PCNX1: variants seen among roughly 807,000 people sequenced by gnomAD.
PCNX1 encodes the protein pecanex 1, also known as pecanex-like protein 1.
Under a neutral mutation model 242.2 loss-of-function variants are expected in PCNX1, and 78 were observed. That is an observed-to-expected ratio of 0.32 (90% CI 0.27 to 0.39). The LOEUF (loss-of-function observed/expected upper bound fraction) is 0.39, where lower values mean the gene tolerates loss of function less well. PCNX1 is among the 10% of genes least tolerant of loss of function. PCNX1 has a pLI of 1.00. For synonymous variants in PCNX1, 1,024 were observed against 1,032.9 expected, an observed-to-expected ratio of 0.99 and a Z score of 0.17; for missense variants, 2,581 against 2,856.5, an observed-to-expected ratio of 0.90 and a Z score of 2.20.
intron 19 of PCNX1, among the ~76,000 whole-genome samples, chr14:71,043,534 T>G (rs2141073494): frequency 7.1e-6 from 1 of 141,450 alleles, no homozygotes; most frequent in East Asian, 2.5e-4. Context: ...TTCCTGGGGT[T>G]GGTTGGTTGG....
intron 6 of PCNX1, among the ~76,000 whole-genome samples, chr14:70,986,293 A>G (rs1047926241): frequency 2.0e-5 from 3 of 152,224 alleles, no homozygotes; most frequent in Non-Finnish European, 2.9e-5. Context: ...ATTATAAGAG[A>G]CAGCATAGAC....
At chr14:71,098,509 CGTGTGTGTGTGTGTGTGTGTGTGT>C (rs3221474) in intron 30 of PCNX1, among the ~76,000 whole-genome samples, 6 of 128,610 alleles carry the variant, frequency 4.7e-5, no homozygotes, top group African/African-American at 3.0e-5. Flanking sequence ...TAGATGTATT[CGTGTGTGTGTGTGTGTGTGTGTGT>C]GTGTGTGTGT....
chr14:71,031,954 A>G (rs1345227971), intron 16 of PCNX1: 22 of 1,372,276 alleles, frequency 1.6e-5, no homozygotes, highest in Middle Eastern at 1.8e-4. Context: ...GGCAAACTTC[A>G]TGGCTCTTTC....
In PCNX1 at chr14:71,114,764, T is replaced by C. The variant is rs1396728134; in HGVS notation, c.*4829T>C. On this transcript the variant is annotated 3_prime_UTR_variant, in exon 36 of 36. Coordinates refer to ENST00000304743, the MANE Select transcript of PCNX1 (RefSeq NM_014982.3). The stretch of plus-strand genomic sequence containing the variant: ...AGAAGGAACAAAGGTCATCTAACAC[T>C]GTGATGGGGATGAATTCCTGAGTTT... 4 of 152,530 alleles carry C rather than the reference T, an allele frequency of 2.6e-5. No homozygotes were observed. The highest frequency in any genetic ancestry group is 9.7e-5 in the African/African-American group (4 of 41,426). 9.4% of individuals were successfully genotyped at this position (152,530 alleles called of 1,614,324 possible). A position where few individuals can be genotyped will look rare whatever the true frequency, so the allele number is the denominator to read the frequency against.
chr14:71,043,494 T>C (rs1216400402), intron 19 of PCNX1, among the ~76,000 whole-genome samples: 1 of 150,946 alleles, frequency 6.6e-6, no homozygotes, highest in Non-Finnish European at 1.5e-5. Flanking sequence ...TCCTTCCCTC[T>C]CTCCCTCCCT....
chr14:71,079,061 C>T (rs1305449719), intron 28 of PCNX1, among the ~76,000 whole-genome samples: 1 of 152,162 alleles, frequency 6.6e-6, no homozygotes, highest in South Asian at 2.1e-4. Flanking sequence ...CATGTGTTCT[C>T]ATTGTTCAAC....
intron 26 of PCNX1, among the ~76,000 whole-genome samples, chr14:71,065,535 A>T (rs528417856): frequency 1.3e-5 from 2 of 152,206 alleles, no homozygotes; most frequent in East Asian, 3.9e-4. Context: ...TGTCAGATGG[A>T]TAGATTGCAA....
At chr14:70,980,239 G>C (rs2058799021) in intron 6 of PCNX1, among the ~76,000 whole-genome samples, 1 of 151,884 alleles carries the variant, frequency 6.6e-6, no homozygotes, top group Admixed American at 6.5e-5. Context: ...CATGGGGACT[G>C]TGAGGTGTTC....
intron 1 of PCNX1, among the ~76,000 whole-genome samples, chr14:70,922,185 T>C (rs2056405484): frequency 6.6e-6 from 1 of 152,184 alleles, no homozygotes; most frequent in Admixed American, 6.5e-5. Flanking sequence ...CAGTATGGTG[T>C]ATTTATGGAG....
intron 16 of PCNX1, among the ~76,000 whole-genome samples, chr14:71,032,354 C>A (rs188244681): frequency 7.9e-5 from 12 of 152,304 alleles, no homozygotes; most frequent in Admixed American, 5.2e-4. Flanking sequence ...GTCAAGAGTT[C>A]ACTTTCTGGC....
chr14:71,018,258 T>C (rs1378324156), intron 11 of PCNX1, among the ~76,000 whole-genome samples: 2 of 152,142 alleles, frequency 1.3e-5, no homozygotes, highest in Non-Finnish European at 2.9e-5. Flanking sequence ...GATGTATTTG[T>C]ATAAGATTTT....
intron 1 of PCNX1, among the ~76,000 whole-genome samples, chr14:70,934,012 C>G (rs1386745662): frequency 6.6e-6 from 1 of 152,138 alleles, no homozygotes; most frequent in Non-Finnish European, 1.5e-5. Context: ...CAAAACAAAA[C>G]CTTTACATTG....
intron 26 of PCNX1, among the ~76,000 whole-genome samples, chr14:71,064,852 G>A (rs1460780249): frequency 6.6e-6 from 1 of 152,154 alleles, no homozygotes; most frequent in Non-Finnish European, 1.5e-5. Flanking sequence ...CCACTTATGA[G>A]TGAGAACATG....
At chr14:70,949,700 C>A (rs1472341014) in intron 2 of PCNX1, among the ~76,000 whole-genome samples, 1 of 152,196 alleles carries the variant, frequency 6.6e-6, no homozygotes, top group African/African-American at 2.4e-5. Context: ...GAAGTGATCC[C>A]CCTGTTGCTC....
chr14:71,088,567 C>G (rs1275670399), intron 29 of PCNX1, 137 bp downstream of exon 29: 1 of 521,592 alleles, frequency 1.9e-6, no homozygotes, highest in Non-Finnish European at 3.5e-6. Flanking sequence ...TTCTATACAT[C>G]ATCTTCTTGA....
chr14:70,969,328 G>C, intron 5 of PCNX1: 1 of 447,948 alleles, frequency 2.2e-6, no homozygotes, highest in East Asian at 4.1e-5. Flanking sequence ...GATAAACATG[G>C]AGAGAGAAAT....
rs138825145 is a variant in PCNX1, at chr14:71,015,521, C to T, written c.2996+2319C>T. 2.7e-3 allele frequency among the ~76,000 whole-genome samples: 406 copies of T among 152,218 alleles called. 1 individual carries two copies. The highest frequency in any genetic ancestry group is 7.7e-3 in the African/African-American group (319 of 41,562). The stretch of plus-strand genomic sequence containing the variant: ...CTGTCATAAATGTGTATTGTAAACC[C>T]TAGGCTGGACGCCGTGGTAATCCCA... On this transcript the variant is annotated intron_variant, in intron 11 of 35. Coordinates refer to ENST00000304743, the MANE Select transcript of PCNX1 (RefSeq NM_014982.3).
At chr14:71,107,754 G>C (rs2062663997) in intron 33 of PCNX1, among the ~76,000 whole-genome samples, 2 of 152,174 alleles carry the variant, frequency 1.3e-5, no homozygotes, top group African/African-American at 4.8e-5. Context: ...CTTGGTAGAA[G>C]TTGAAAGGGC....
rs2061215325 is a variant in PCNX1, at chr14:71,057,495, ATC to A, written c.4637-10_4637-9del. On this transcript the variant is annotated splice_polypyrimidine_tract_variant and intron_variant, in intron 25 of 35. Coordinates refer to ENST00000304743, the MANE Select transcript of PCNX1 (RefSeq NM_014982.3). ...AAGGTTAAATTTAACTTTTTTTAAA[ATC>A]TCTTTTTATAGGATCAGATGACAAC... The A allele has an allele frequency of 6.4e-7, 1 of 1,571,732 alleles. No individual in the cohort carries two copies. Among genetic ancestry groups the A allele is most frequent in the Admixed American group, 1.8e-5 (1 of 56,876 alleles).
Sources: gnomAD v4.1 joint callset for allele counts (sites outside exome capture counted in the v4.1 genomes callset) on GRCh38, gnomAD v4.1.1 for gene constraint, MANE v1.5 for transcripts, NCBI Gene and HGNC (gene_info 2026-07-23, HGNC 2026-07-21) for gene names.